Variants in TAFA5 observed in about 807,000 individuals in gnomAD.
The protein encoded by TAFA5 is chemokine-like protein TAFA-5.
Under a neutral mutation model 15.3 loss-of-function variants are expected in TAFA5, and 6 were observed. That is an observed-to-expected ratio of 0.39 (90% CI 0.21 to 0.77). TAFA5 has a LOEUF of 0.77. Ranked by LOEUF, TAFA5 falls within the 30% of genes least tolerant of loss-of-function variation. The probability of loss-of-function intolerance (pLI) is 0.41; values close to 1 mark genes in which losing one functional copy is unlikely to be tolerated. For missense variants in TAFA5, 161 were observed against 193.1 expected (o/e 0.83, Z 0.98); for synonymous variants, 103 against 80.7 (o/e 1.28, Z -1.48).
Position 48,711,033 on chromosome 22 carries a change from C to T in TAFA5, c.390+3189C>T, listed in dbSNP as rs74780598. Among the ~76,000 whole-genome samples, 601 of 152,306 alleles carry T rather than the reference C, an allele frequency of 3.9e-3. 7 individuals carry two copies. Among genetic ancestry groups the T allele is most frequent in the East Asian group, 0.039 (203 of 5,166 alleles). The stretch of plus-strand genomic sequence containing the variant: ...GCTCGGGAGACTCAGATACTCTGAT[C>T]TTCCCATCATTAGGACACTGCAGGG... On this transcript the variant is annotated intron_variant, in intron 3 of 3. Transcript: ENST00000402357.
chr22:48,511,250 G>A (rs145994638), intron 1 of TAFA5, among the ~76,000 whole-genome samples: 8 of 152,334 alleles, frequency 5.3e-5, no homozygotes, highest in African/African-American at 1.9e-4. Flanking sequence ...CCTGCCAGCA[G>A]AGAAGTCCAA....
chr22:48,599,255 C>T (rs1924876638), intron 1 of TAFA5, among the ~76,000 whole-genome samples: 1 of 152,198 alleles, frequency 6.6e-6, no homozygotes, highest in South Asian at 2.1e-4. Flanking sequence ...CTGCCTTGGT[C>T]TTCCTGGCCA....
chr22:48,616,229 G>T (rs1445508834), intron 1 of TAFA5, among the ~76,000 whole-genome samples: 2 of 152,102 alleles, frequency 1.3e-5, no homozygotes, highest in East Asian at 1.9e-4. Context: ...GGACAGCGCT[G>T]CAGGCTTTGA....
intron 2 of TAFA5, among the ~76,000 whole-genome samples, chr22:48,679,989 A>T (rs1319138631): frequency 1.3e-5 from 2 of 152,188 alleles, no homozygotes; most frequent in Non-Finnish European, 1.5e-5. Context: ...CCACTTGTAA[A>T]TGTTATCCCA....
At chr22:48,612,243 C>T (rs939994296) in intron 1 of TAFA5, among the ~76,000 whole-genome samples, 8 of 152,070 alleles carry the variant, frequency 5.3e-5, no homozygotes, top group Non-Finnish European at 8.8e-5. Context: ...AGTCCTTGGC[C>T]GCCAGCGTGG....
chr22:48,509,402 G>A (rs1042346550), intron 1 of TAFA5, among the ~76,000 whole-genome samples: 2 of 152,078 alleles, frequency 1.3e-5, no homozygotes, highest in East Asian at 1.9e-4. Flanking sequence ...TGTCCACAAC[G>A]GCTGTACTGA....
At chr22:48,732,252 G>GTT (rs1476129366) in intron 3 of TAFA5, among the ~76,000 whole-genome samples, 2 of 130,314 alleles carry the variant, frequency 1.5e-5, no homozygotes, top group African/African-American at 5.8e-5. Context: ...GGGTTTTTTT[G>GTT]TTGTTTTGTT....
At chr22:48,535,901 G>C (rs79799534) in intron 1 of TAFA5, among the ~76,000 whole-genome samples, 17,433 of 152,252 alleles carry the variant, frequency 0.11, 1,157 homozygotes, top group African/African-American at 0.18. Context: ...CACAGGCTGT[G>C]TGGGTATATG....
At chr22:48,623,182 G>C (rs1333432858) in intron 1 of TAFA5, among the ~76,000 whole-genome samples, 1 of 152,254 alleles carries the variant, frequency 6.6e-6, no homozygotes, top group African/African-American at 2.4e-5. Context: ...GATGAGCATG[G>C]TTTCGCCAGC....
At chr22:48,740,559 C>A (rs546150339) in intron 3 of TAFA5, among the ~76,000 whole-genome samples, 1 of 152,178 alleles carries the variant, frequency 6.6e-6, no homozygotes, top group African/African-American at 2.4e-5. Context: ...TCCTTCCTAA[C>A]GTGGAAGCAC....
In TAFA5 at chr22:48,708,305, C is replaced by T. The variant is rs1601688571; in HGVS notation, c.390+461C>T. 2.0e-5 allele frequency among the ~76,000 whole-genome samples: 3 copies of T among 152,142 alleles called. No individual in the cohort carries two copies. In the South Asian group the frequency reaches 6.2e-4, roughly 31 times the overall value. ...CCGTCCAGGTGTGCTCCTTCCGTCCCTGGGCCTGGCCTGGTGGCTGCTCAC... is the reference window on the plus strand; with the variant it reads ...CCGTCCAGGTGTGCTCCTTCCGTCCTTGGGCCTGGCCTGGTGGCTGCTCAC... On this transcript the variant is annotated intron_variant, in intron 3 of 3. Coordinates refer to ENST00000402357, the MANE Select transcript of TAFA5 (RefSeq NM_001082967.3).
chr22:48,541,512 G>T (rs1209376868), intron 1 of TAFA5, among the ~76,000 whole-genome samples: 5 of 152,128 alleles, frequency 3.3e-5, no homozygotes, highest in Non-Finnish European at 5.9e-5. Flanking sequence ...GTTCAGCCTC[G>T]GCCGGCTGCT....
At chr22:48,547,199 G>A (rs780774181) in intron 1 of TAFA5, 1 of 152,358 alleles carries the variant, frequency 6.6e-6, no homozygotes, top group Admixed American at 6.5e-5. Context: ...CTTACGGGAA[G>A]ATGCGGCGGG....
At chr22:48,739,657 G>T (rs1175134334) in intron 3 of TAFA5, among the ~76,000 whole-genome samples, 1 of 152,082 alleles carries the variant, frequency 6.6e-6, no homozygotes, top group Non-Finnish European at 1.5e-5. Context: ...ACTGATCTTC[G>T]AGCTCGCTGC....
intron 1 of TAFA5, among the ~76,000 whole-genome samples, chr22:48,632,669 G>A (rs937718243): frequency 9.9e-5 from 15 of 152,226 alleles, no homozygotes; most frequent in Non-Finnish European, 1.5e-4. Flanking sequence ...TCTGTGTTGG[G>A]CATTGAAGGG....
chr22:48,544,829 C>G (rs970012991), intron 1 of TAFA5: 1 of 471,238 alleles, frequency 2.1e-6, no homozygotes. Context: ...GCCTGGGGTC[C>G]CACGCTGCCT....
At chr22:48,568,262 G>A (rs543392125) in intron 1 of TAFA5, among the ~76,000 whole-genome samples, 1 of 152,310 alleles carries the variant, frequency 6.6e-6, no homozygotes, top group Admixed American at 6.5e-5. Flanking sequence ...TTTTCCTCTG[G>A]AAACTGGTGG....
At chr22:48,691,006 T>C (rs1055713414) in intron 2 of TAFA5, among the ~76,000 whole-genome samples, 8 of 152,094 alleles carry the variant, frequency 5.3e-5, no homozygotes, top group African/African-American at 1.7e-4. Flanking sequence ...ATCAGGAAGA[T>C]GCTTGACCCT....
At chr22:48,675,480 G>A (rs770798702) in intron 2 of TAFA5, among the ~76,000 whole-genome samples, 11 of 152,244 alleles carry the variant, frequency 7.2e-5, no homozygotes, top group Non-Finnish European at 1.3e-4. Flanking sequence ...GGGATCCTGG[G>A]AGGCATATTC....
Sources: allele counts gnomAD v4.1 joint callset (sites outside exome capture counted in the v4.1 genomes callset), GRCh38; gene constraint gnomAD v4.1.1; transcripts MANE v1.5; gene names NCBI Gene and HGNC (gene_info 2026-07-23, HGNC 2026-07-21).